SLC35D1: variants seen among roughly 807,000 people sequenced by gnomAD.
The protein encoded by SLC35D1 is nucleotide sugar transporter SLC35D1.
In SLC35D1, 31 loss-of-function variants were observed where a neutral mutation model predicts 46.7. The ratio of observed to expected loss-of-function variants is 0.66; its 90% CI spans 0.50 to 0.90. The LOEUF (loss-of-function observed/expected upper bound fraction) is 0.90, where lower values mean the gene tolerates loss of function less well. Among genes scored for constraint, SLC35D1 ranks in the 40% least tolerant of loss-of-function variants. The pLI, the probability that SLC35D1 is intolerant of heterozygous loss-of-function variation, is 0.00. For synonymous variants in SLC35D1, 195 were observed against 164.6 expected, an observed-to-expected ratio of 1.18 and a Z score of -1.41; for missense variants, 397 against 426.2, an observed-to-expected ratio of 0.93 and a Z score of 0.60.
chr1:67,017,806 A>C (rs2102269812), intron 10 of SLC35D1, among the ~76,000 whole-genome samples: 1 of 152,340 alleles, frequency 6.6e-6, no homozygotes, highest in East Asian at 1.9e-4. Context: ...AATGGGACAC[A>C]AATGTTTAAT....
At chr1:66,985,814 ATTTTTTTTT>A in the SLC35D1 span, 1 of 629,882 alleles carries the variant, frequency 1.6e-6, no homozygotes, top group Non-Finnish European at 1.9e-6. Flanking sequence ...GGATTATAAA[ATTTTTTTTT>A]TTTTTTTTTT....
At chr1:67,041,860 T>C (rs1192505527) in intron 8 of SLC35D1, among the ~76,000 whole-genome samples, 1 of 152,196 alleles carries the variant, frequency 6.6e-6, no homozygotes, top group Non-Finnish European at 1.5e-5. Flanking sequence ...GCCTAGCATT[T>C]TGTTTAGGAT....
intron 10 of SLC35D1, among the ~76,000 whole-genome samples, chr1:67,016,436 C>T (rs1025537740): frequency 2.0e-5 from 3 of 151,878 alleles, no homozygotes; most frequent in African/African-American, 4.8e-5. Context: ...TTTATTGATC[C>T]GACCATTAGA....
chr1:67,036,392 G>C (rs574155896), intron 8 of SLC35D1, among the ~76,000 whole-genome samples: 88 of 152,124 alleles, frequency 5.8e-4, no homozygotes, highest in African/African-American at 2.0e-3. Flanking sequence ...TTTCACTGTA[G>C]AGATCTTTCA....
intron 6 of SLC35D1, 88 bp downstream of exon 6, chr1:67,049,694 C>T: frequency 1.7e-6 from 2 of 1,144,686 alleles, no homozygotes; most frequent in Non-Finnish European, 1.3e-6. Flanking sequence ...CTTATTTAGG[C>T]AATAAAAAAT....
the SLC35D1 span, among the ~76,000 whole-genome samples, chr1:66,978,068 C>A: frequency 6.6e-6 from 1 of 151,572 alleles, no homozygotes; most frequent in African/African-American, 2.4e-5. Context: ...TGGTGGTGCA[C>A]GCCTATAGTC....
chr1:67,040,213 T>C (rs1668213690), intron 8 of SLC35D1, among the ~76,000 whole-genome samples: 1 of 152,070 alleles, frequency 6.6e-6, no homozygotes, highest in South Asian at 2.1e-4. Flanking sequence ...CCCAGGCTGG[T>C]CTTGAATTCC....
rs1241968650 is a variant in SLC35D1, at chr1:67,000,762, T to TA, written c.*3577dup. Reference sequence around the variant, plus strand: ...TCTTGTTCATAGGAAAAACCAAACTTACAATTTTGGGAAAGCAAGAACATG... The same window carrying TA: ...TCTTGTTCATAGGAAAAACCAAACTTAACAATTTTGGGAAAGCAAGAACATG... On this transcript the variant is annotated 3_prime_UTR_variant, in exon 12 of 12. Coordinates refer to ENST00000235345, the MANE Select transcript of SLC35D1 (RefSeq NM_015139.3). 5 of 152,400 alleles carry TA rather than the reference T, an allele frequency of 3.3e-5. 1 individual carries two copies. Among genetic ancestry groups the TA allele is most frequent in the Middle Eastern group, 3.4e-3 (1 of 294 alleles). The allele number at this position is 152,400 out of a possible 1,614,324, so 9.4% of individuals were successfully genotyped here.
the SLC35D1 span, chr1:66,985,755 G>A: frequency 7.3e-6 from 7 of 965,024 alleles, no homozygotes; most frequent in South Asian, 4.8e-5. Context: ...AAGTGTTTGT[G>A]TAGTAATTAA....
chr1:66,990,280 TTTC>T, the SLC35D1 span, among the ~76,000 whole-genome samples: 2 of 152,182 alleles, frequency 1.3e-5, no homozygotes, highest in Non-Finnish European at 2.9e-5. Context: ...ATCTGCAATT[TTTC>T]TTTTTTCCGG....
chr1:66,981,906 G>A, the SLC35D1 span: 2 of 1,613,724 alleles, frequency 1.2e-6, no homozygotes, highest in South Asian at 2.2e-5. Flanking sequence ...TGTAAGCACT[G>A]CTAATCAAAA....
chr1:67,023,383 CATTTT>C (rs1171801650), intron 8 of SLC35D1, among the ~76,000 whole-genome samples: 1 of 152,100 alleles, frequency 6.6e-6, no homozygotes, highest in African/African-American at 2.4e-5. Flanking sequence ...GATATTTTCT[CATTTT>C]AATTTGCATT....
At chr1:66,980,404 GTATTAGTTTTA>G in the SLC35D1 span, among the ~76,000 whole-genome samples, 3 of 152,176 alleles carry the variant, frequency 2.0e-5, no homozygotes, top group African/African-American at 7.2e-5. Context: ...TCTGAGATAT[GTATTAGTTTTA>G]TACCTCAGAC....
chr1:67,029,522 G>A (rs1331874813), intron 8 of SLC35D1, among the ~76,000 whole-genome samples: 1 of 152,166 alleles, frequency 6.6e-6, no homozygotes, highest in East Asian at 1.9e-4. Flanking sequence ...AGTTCCTTGG[G>A]AGCAGGAAAT....
At chr1:66,989,803 G>A in the SLC35D1 span, among the ~76,000 whole-genome samples, 1 of 152,154 alleles carries the variant, frequency 6.6e-6, no homozygotes, top group African/African-American at 2.4e-5. Flanking sequence ...CCTTAAATTG[G>A]GGGTGGTTTC....
chr1:66,979,840 C>T, the SLC35D1 span, among the ~76,000 whole-genome samples: 32 of 151,998 alleles, frequency 2.1e-4, no homozygotes, highest in Non-Finnish European at 4.0e-4. Flanking sequence ...TCTCGGCTCA[C>T]TGCAACCTCC....
intron 8 of SLC35D1, among the ~76,000 whole-genome samples, chr1:67,039,548 CTTT>C (rs1668199442): frequency 6.9e-6 from 1 of 144,970 alleles, no homozygotes; most frequent in East Asian, 2.1e-4. Context: ...TCTTATTTTT[CTTT>C]TTATTTTACC....
the SLC35D1 span, chr1:66,987,586 T>C: frequency 1.3e-5 from 2 of 152,610 alleles, no homozygotes; most frequent in African/African-American, 4.8e-5. Context: ...GCATAGTAAT[T>C]TTGCACTGTA....
chr1:67,047,045 T>C (rs1645258950), intron 7 of SLC35D1, among the ~76,000 whole-genome samples: 1 of 152,150 alleles, frequency 6.6e-6, no homozygotes, highest in Admixed American at 6.5e-5. Context: ...GAAGTCAAAA[T>C]TCACGCAATC....
Sources: gnomAD v4.1 joint callset for allele counts (sites outside exome capture counted in the v4.1 genomes callset) on GRCh38, gnomAD v4.1.1 for gene constraint, MANE v1.5 for transcripts, NCBI Gene and HGNC (gene_info 2026-07-23, HGNC 2026-07-21) for gene names.